The following ASB18 variants were observed in gnomAD, a reference collection of about 807,000 sequenced individuals.
ASB18 encodes ankyrin repeat and SOCS box containing 18.
In ASB18, 33 loss-of-function variants were observed where a neutral mutation model predicts 33.4. That is an observed-to-expected ratio of 0.99 (90% confidence interval 0.75 to 1.32). The LOEUF (loss-of-function observed/expected upper bound fraction) is 1.32. Among genes scored for constraint, ASB18 ranks in the 40% most tolerant of loss-of-function variants. The pLI, the probability that ASB18 is intolerant of heterozygous loss-of-function variation, is 0.00. For missense variants in ASB18, 694 were observed against 655.5 expected (o/e 1.06, Z -0.64); for synonymous variants, 295 against 307.6 (o/e 0.96, Z 0.43).
Position 236,207,380 on chromosome 2 carries a change from C to T in ASB18, c.1101+6982G>A, listed in dbSNP as rs375065914. ...GTTTTCATCTTAACCAGTACTGTTT[C>T]GATGAATCCCACAAGCTATGTCTTC... On this transcript the variant is annotated intron_variant, in intron 4 of 5. Coordinates refer to ENST00000409749, the MANE Select transcript of ASB18 (RefSeq NM_212556.4). Among the ~76,000 whole-genome samples the T allele has an allele frequency of 2.4e-4, 36 of 152,302 alleles. No homozygotes were observed. In the South Asian group the frequency reaches 5.0e-3, roughly 21 times the overall value.
intron 1 of ASB18, among the ~76,000 whole-genome samples, chr2:236,261,525 C>T (rs533769122): frequency 3.3e-5 from 5 of 152,318 alleles, no homozygotes; most frequent in African/African-American, 4.8e-5. Flanking sequence ...ACTGATAACG[C>T]GTGCCCTAGG....
Position 236,237,615 on chromosome 2 carries a change from CGG to C in ASB18, c.596+72_596+73del. The C allele has an allele frequency of 8.9e-7, 1 of 1,121,540 alleles. No homozygotes were observed. The highest frequency in any genetic ancestry group is 1.1e-6 in the Non-Finnish European group (1 of 908,132). The allele number at this position is 1,121,540 out of a possible 1,614,324, so 69.5% of individuals were successfully genotyped here. ...GGGACGGAGGCGGAGGCGGGGTCGG[CGG>C]TCTCGTGGGGGGAGGCGGGCGTCTG... On this transcript the variant is annotated intron_variant, in intron 3 of 5. Transcript: ENST00000409749. This position sits in a 1 kb window ranked among gnomAD's most constrained non-coding sequence, Gnocchi z 6.2.
At chr2:236,246,443 C>A (rs577996508) in intron 1 of ASB18, among the ~76,000 whole-genome samples, 99 of 145,256 alleles carry the variant, frequency 6.8e-4, no homozygotes, top group Non-Finnish European at 1.2e-3. Flanking sequence ...TTTTAAAGTT[C>A]ATCTCCCTTA....
Position 236,253,535 on chromosome 2 carries a change from CTTA to C in ASB18, c.205+10603_205+10605del, listed in dbSNP as rs56904956. ...GGGACTACAGCCACTTGCTGGTTAA[CTTA>C]TTATTATTATTATTATTATTATTAT... On this transcript the variant is annotated intron_variant, in intron 1 of 5. Coordinates refer to ENST00000409749, the MANE Select transcript of ASB18 (RefSeq NM_212556.4). This position sits in a 1 kb window ranked among gnomAD's most constrained non-coding sequence, Gnocchi z 5.4. 0.81 allele frequency among the ~76,000 whole-genome samples: 118,760 copies of C among 146,058 alleles called. 50,413 individuals carry two copies. Among genetic ancestry groups the C allele is most frequent in the East Asian group, 0.96 (4,641 of 4,854 alleles).
At position 236,238,347 on chromosome 2, in the gene ASB18, G is replaced by A. The variant is rs569415892; in HGVS notation, c.329-391C>T. Among the ~76,000 whole-genome samples the A allele has an allele frequency of 3.3e-5, 5 of 152,292 alleles. No individual in the cohort carries two copies. In the South Asian group the frequency reaches 1.0e-3, roughly 32 times the overall value. ...GGAATTCACGTGTTCCAGGCCCTGA[G>A]TTAGGGCAGCTTGAAAGAGGAAAGT... On this transcript the variant is annotated intron_variant, in intron 2 of 5. Transcript: ENST00000409749. The surrounding 1 kb of genome is among the most constrained non-coding windows in gnomAD (Gnocchi z 5.2).
In ASB18 at chr2:236,200,382, C is replaced by A. The variant is rs560883669; in HGVS notation, c.1102-3997G>T. 6.6e-6 allele frequency among the ~76,000 whole-genome samples: 1 copy of A among 152,198 alleles called. No individual in the cohort carries two copies. The highest frequency in any genetic ancestry group is 2.1e-4 in the South Asian group (1 of 4,808). On this transcript the variant is annotated intron_variant, in intron 4 of 5. Transcript: ENST00000409749. The surrounding 1 kb of genome is among the most constrained non-coding windows in gnomAD (Gnocchi z 4.2). Reference sequence around the variant, plus strand: ...AGAGATGGCGAGTTCGATATGGGATCATTCCAGAAGTGTTTATTGATACAG... The same window carrying A: ...AGAGATGGCGAGTTCGATATGGGATAATTCCAGAAGTGTTTATTGATACAG...
At chr2:236,233,198 T>C (rs1199549302) in intron 3 of ASB18, among the ~76,000 whole-genome samples, 2 of 152,106 alleles carry the variant, frequency 1.3e-5, no homozygotes, top group Non-Finnish European at 2.9e-5. Context: ...CTCATGATTA[T>C]CTCCATATAT....
At position 236,194,278 on chromosome 2, in the gene ASB18, C is replaced by T. The variant is rs952011568; in HGVS notation, c.*594G>A. Among the ~76,000 whole-genome samples the T allele has an allele frequency of 6.6e-6, 1 of 152,140 alleles. No homozygotes were observed. Among genetic ancestry groups the T allele is most frequent in the Non-Finnish European group, 1.5e-5 (1 of 68,034 alleles). ...CAAACATTTATTCCTTGATCTAACC[C>T]ACCAGCAGGACAACCACCATCACAT... On this transcript the variant is annotated 3_prime_UTR_variant, in exon 6 of 6. Coordinates refer to ENST00000409749, the MANE Select transcript of ASB18 (RefSeq NM_212556.4). This position sits in a 1 kb window ranked among gnomAD's most constrained non-coding sequence, Gnocchi z 4.5.
At chr2:236,246,028 C>T (rs2106282431) in intron 1 of ASB18, among the ~76,000 whole-genome samples, 1 of 152,180 alleles carries the variant, frequency 6.6e-6, no homozygotes, top group African/African-American at 2.4e-5. Flanking sequence ...AGCCCACCTT[C>T]CCCCACATGT....
At position 236,217,157 on chromosome 2, in the gene ASB18, C is replaced by G. The variant is rs2060491760; in HGVS notation, c.597-2291G>C. Among the ~76,000 whole-genome samples, 1 of 152,088 alleles carries G rather than the reference C, an allele frequency of 6.6e-6. No homozygotes were observed. Among genetic ancestry groups the G allele is most frequent in the Non-Finnish European group, 1.5e-5 (1 of 68,034 alleles). ...GCGCGGTGGCTCATGCCGGTAATCC[C>G]AGCACTTTGGGAGTCTGAGGTGAGT... is the stretch of plus-strand genomic sequence containing the variant. On this transcript the variant is annotated intron_variant, in intron 3 of 5. Transcript: ENST00000409749. The surrounding 1 kb of genome is among the most constrained non-coding windows in gnomAD (Gnocchi z 5.2).
Position 236,214,401 on chromosome 2 carries a change from G to C in ASB18, c.1062C>G (p.Asn354Lys). The C allele has an allele frequency of 2.5e-6, 4 of 1,574,594 alleles. No individual in the cohort carries two copies. The highest frequency in any genetic ancestry group is 3.4e-6 in the Non-Finnish European group (4 of 1,166,048). Residue 354 changes from asparagine (N) to lysine (K), a missense_variant, in exon 4 of 6, where the codon AAC becomes AAG. By Grantham distance (94) the Asn-to-Lys change is moderately conservative. Transcript: ENST00000409749. This position sits in a 1 kb window ranked among gnomAD's most constrained non-coding sequence, Gnocchi z 6.5. ...CGGGCCACACGGTGGGAGAGCCGTG[G>C]TTGAGCAGCGCCTGCACCGTGCGCT... Reference protein sequence around the residue: ...SPQRTVQALLNHGSPTVWPDA... With the variant: ...SPQRTVQALLKHGSPTVWPDA...
intron 1 of ASB18, among the ~76,000 whole-genome samples, chr2:236,242,841 G>A (rs1294907892): frequency 7.0e-6 from 1 of 141,964 alleles, no homozygotes; most frequent in African/African-American, 2.8e-5. Flanking sequence ...AGATAGCAAG[G>A]GTCCCCCCAT....
Position 236,256,056 on chromosome 2 carries a change from C to G in ASB18, c.205+8085G>C, listed in dbSNP as rs959634788. 1.3e-5 allele frequency among the ~76,000 whole-genome samples: 2 copies of G among 151,830 alleles called. No individual in the cohort carries two copies. The highest frequency in any genetic ancestry group is 4.8e-5 in the African/African-American group (2 of 41,324). ...TATGTATTCATTTGTTTTTTGGAGA[C>G]CGGCTCTCACTGTTGCCAGGTTGGA... On this transcript the variant is annotated intron_variant, in intron 1 of 5. Transcript: ENST00000409749. This position sits in a 1 kb window ranked among gnomAD's most constrained non-coding sequence, Gnocchi z 4.7.
Position 236,217,099 on chromosome 2 carries a change from G to C in ASB18, c.597-2233C>G, listed in dbSNP as rs965690614. Among the ~76,000 whole-genome samples the C allele has an allele frequency of 6.6e-6, 1 of 152,088 alleles. No individual in the cohort carries two copies. The highest frequency in any genetic ancestry group is 1.5e-5 in the Non-Finnish European group (1 of 68,012). ...TTGCACTATGTGCCCAGGCACATTG[G>C]TCACCCCATATTTCAAATATTTGTT... On this transcript the variant is annotated intron_variant, in intron 3 of 5. Coordinates refer to ENST00000409749, the MANE Select transcript of ASB18 (RefSeq NM_212556.4). The surrounding 1 kb of genome is among the most constrained non-coding windows in gnomAD (Gnocchi z 5.2).
Position 236,208,345 on chromosome 2 carries a change from C to T in ASB18, c.1101+6017G>A, listed in dbSNP as rs932149870. 2.0e-5 allele frequency among the ~76,000 whole-genome samples: 3 copies of T among 152,180 alleles called. No homozygotes were observed. The highest frequency in any genetic ancestry group is 4.4e-5 in the Non-Finnish European group (3 of 68,044). ...GCCATTTCCTCGTGCACGGCAGTCT[C>T]TGATTTCAATCATCCCCTTCTGTGT... On this transcript the variant is annotated intron_variant, in intron 4 of 5. Transcript: ENST00000409749. The surrounding 1 kb of genome is among the most constrained non-coding windows in gnomAD (Gnocchi z 7.7).
chr2:236,239,988 C>A lies in ASB18; in HGVS notation c.328+1292G>T, dbSNP rs528058644. ...CTCAGTACCAGCCCACATCCCTTTGCTGTGGGCGTGCTCCAGTATCCTGTC... is the reference window on the plus strand; with the variant it reads ...CTCAGTACCAGCCCACATCCCTTTGATGTGGGCGTGCTCCAGTATCCTGTC... On this transcript the variant is annotated intron_variant, in intron 2 of 5. Coordinates refer to ENST00000409749, the MANE Select transcript of ASB18 (RefSeq NM_212556.4). This position sits in a 1 kb window ranked among gnomAD's most constrained non-coding sequence, Gnocchi z 5.6. 1.7e-3 allele frequency among the ~76,000 whole-genome samples: 264 copies of A among 152,350 alleles called. 1 individual carries two copies. Among genetic ancestry groups the A allele is most frequent in the African/African-American group, 6.2e-3 (258 of 41,588 alleles).
rs996410961 is a variant in ASB18 at position 236,195,729 on chromosome 2, T to C, written c.1215+543A>G. Among the ~76,000 whole-genome samples the C allele has an allele frequency of 2.0e-5, 3 of 152,174 alleles. No individual in the cohort carries two copies. The highest frequency in any genetic ancestry group is 2.9e-5 in the Non-Finnish European group (2 of 68,036). On this transcript the variant is annotated intron_variant, in intron 5 of 5. Transcript: ENST00000409749. The surrounding 1 kb of genome is among the most constrained non-coding windows in gnomAD (Gnocchi z 5.5). ...CAAGCTTTCACCATGTTGGCCAGTC[T>C]GGTCTTGAACTCCTGACCTCAAGCG...
At position 236,245,882 on chromosome 2, in the gene ASB18, C is replaced by T. The variant is rs187730858; in HGVS notation, c.206-4480G>A. Among the ~76,000 whole-genome samples, 10 of 152,326 alleles carry T rather than the reference C, an allele frequency of 6.6e-5. No individual in the cohort carries two copies. The highest frequency in any genetic ancestry group is 6.5e-4 in the Admixed American group (10 of 15,302). ...TCAACATTAAAGCTCCTCAGTGGTTCTTGCTCTTATTCTTGGCCATCTGTT... is the reference window on the plus strand; with the variant it reads ...TCAACATTAAAGCTCCTCAGTGGTTTTTGCTCTTATTCTTGGCCATCTGTT... On this transcript the variant is annotated intron_variant, in intron 1 of 5. Transcript: ENST00000409749. The surrounding 1 kb of genome is among the most constrained non-coding windows in gnomAD (Gnocchi z 4.7).
chr2:236,243,580 G>C lies in ASB18; in HGVS notation c.206-2178C>G, dbSNP rs562932373. ...AGGAGGCTCCATAGGACAGATGCGG[G>C]GTTCCCAAAGACATGATCTGGGGCC... On this transcript the variant is annotated intron_variant, in intron 1 of 5. Coordinates refer to ENST00000409749, the MANE Select transcript of ASB18 (RefSeq NM_212556.4). Among the ~76,000 whole-genome samples, 102 of 152,126 alleles carry C rather than the reference G, an allele frequency of 6.7e-4. 1 individual carries two copies. Among genetic ancestry groups the C allele is most frequent in the African/African-American group, 2.4e-3 (99 of 41,502 alleles).
Sources: gnomAD v4.1 joint callset for allele counts (sites outside exome capture counted in the v4.1 genomes callset) on GRCh38, gnomAD v4.1.1 for gene constraint, Gnocchi (gnomAD v3.1) non-coding constraint, MANE v1.5 for transcripts, NCBI Gene and HGNC (gene_info 2026-07-23, HGNC 2026-07-21) for gene names.